Variants in STIMATE observed in about 807,000 individuals in gnomAD.
STIMATE encodes the protein STIM activating enhancer.
A neutral mutation model predicts 36.7 loss-of-function variants in STIMATE; 15 were observed. The observed-to-expected ratio is 0.41, with a 90% confidence interval of 0.27 to 0.63. The LOEUF is 0.63. Ranked by LOEUF, STIMATE falls within the 20% of genes least tolerant of loss-of-function variation. The probability of loss-of-function intolerance (pLI) is 0.32; values close to 1 mark genes in which losing one functional copy is unlikely to be tolerated. For synonymous variants in STIMATE, 163 were observed against 162.3 expected, an observed-to-expected ratio of 1.00 and a Z score of -0.03; for missense variants, 305 against 397.3, an observed-to-expected ratio of 0.77 and a Z score of 1.98.
intron 3 of STIMATE, among the ~76,000 whole-genome samples, chr3:52,852,376 G>A (rs1361742993): frequency 6.6e-6 from 1 of 152,216 alleles, no homozygotes; most frequent in Non-Finnish European, 1.5e-5. Context: ...CAGAAAGCCA[G>A]TGCATGGGGA....
intron 2 of STIMATE, among the ~76,000 whole-genome samples, chr3:52,853,582 C>T (rs1270043929): frequency 6.6e-6 from 1 of 152,142 alleles, no homozygotes; most frequent in Non-Finnish European, 1.5e-5. Flanking sequence ...AAATCATTCC[C>T]TAGACTCACT....
chr3:52,840,348 G>C lies in STIMATE; in HGVS notation c.*146C>G. The C allele has an allele frequency of 1.1e-6, 1 of 932,252 alleles. No homozygotes were observed. The highest frequency in any genetic ancestry group is 1.7e-5 in the South Asian group (1 of 57,466). 57.7% of individuals were successfully genotyped at this position (932,252 alleles called of 1,614,324 possible). ...CCCTCTTTTTAAGTCACAGTAGTCT[G>C]GGGGCAGGCGAGAGCGGGCAGAGAC... On this transcript the variant is annotated 3_prime_UTR_variant, in exon 8 of 8. Coordinates refer to ENST00000355083, the MANE Select transcript of STIMATE (RefSeq NM_198563.5).
intron 1 of STIMATE, among the ~76,000 whole-genome samples, chr3:52,862,939 T>C (rs1037269928): frequency 8.5e-5 from 13 of 152,194 alleles, no homozygotes; most frequent in African/African-American, 3.1e-4. Flanking sequence ...AGAATGGAGT[T>C]ATGCAGCCAC....
intron 7 of STIMATE, among the ~76,000 whole-genome samples, chr3:52,841,945 G>C (rs1001482667): frequency 6.6e-6 from 1 of 152,206 alleles, no homozygotes; most frequent in African/African-American, 2.4e-5. Flanking sequence ...AGATTCTAGA[G>C]ACAAGCACCT....
chr3:52,850,301 G>A (rs1027423490), intron 3 of STIMATE, among the ~76,000 whole-genome samples: 3 of 152,136 alleles, frequency 2.0e-5, no homozygotes, highest in Non-Finnish European at 4.4e-5. Context: ...GCGTGGTGGC[G>A]CGCACCTGTA....
chr3:52,869,355 T>C (rs1701364137), intron 1 of STIMATE, among the ~76,000 whole-genome samples: 1 of 152,240 alleles, frequency 6.6e-6, no homozygotes, highest in Admixed American at 6.5e-5. Flanking sequence ...ATACAGGCTT[T>C]GTAAGTTGGC....
At chr3:52,841,760 C>T (rs1388611352) in intron 7 of STIMATE, 1 of 152,346 alleles carries the variant, frequency 6.6e-6, no homozygotes, top group Non-Finnish European at 1.5e-5. Flanking sequence ...CAGCCTGTGC[C>T]TCACTTCTTG....
rs749659802 is a variant in STIMATE, at chr3:52,844,830, T to C, written c.539A>G (p.Lys180Arg). 6.2e-7 allele frequency: 1 copy of C among 1,610,928 alleles called. No homozygotes were observed. The highest frequency in any genetic ancestry group is 8.5e-7 in the Non-Finnish European group (1 of 1,177,548). The change falls in exon 5 of 8, where the codon AAG becomes AGG. Residue 180 changes from lysine to arginine, a missense_variant and splice_region_variant. Coordinates refer to ENST00000355083, the MANE Select transcript of STIMATE (RefSeq NM_198563.5). ...TGCTCATGCAGGGACGAAGCAAACC[T>C]TTTTCCACTGAAGTATTAGGAGGAC... is the stretch of plus-strand genomic sequence containing the variant. Reference protein sequence around the residue: ...FIVLLILQWKKVALLNPIENP... With the variant: ...FIVLLILQWKRVALLNPIENP...
chr3:52,878,730 G>A (rs1701551111), intron 1 of STIMATE, among the ~76,000 whole-genome samples: 1 of 152,160 alleles, frequency 6.6e-6, no homozygotes, highest in Non-Finnish European at 1.5e-5. Context: ...ACAACCAAGA[G>A]AAGCTGGCTG....
chr3:52,862,192 T>A (rs1701228801), intron 1 of STIMATE, among the ~76,000 whole-genome samples: 1 of 152,186 alleles, frequency 6.6e-6, no homozygotes, highest in Admixed American at 6.5e-5. Context: ...TCCTTCCCAC[T>A]CAGCTGTCAA....
At chr3:52,846,251 C>T (rs978919284) in intron 4 of STIMATE, among the ~76,000 whole-genome samples, 3 of 152,208 alleles carry the variant, frequency 2.0e-5, no homozygotes, top group African/African-American at 7.2e-5. Flanking sequence ...GGATAGGAGA[C>T]ATTTGAGCCA....
intron 2 of STIMATE, 75 bp downstream of exon 2, chr3:52,855,321 A>G (rs1701073552): frequency 3.9e-6 from 6 of 1,557,696 alleles, no homozygotes; most frequent in Non-Finnish European, 5.2e-6. Flanking sequence ...CTCCAACACC[A>G]TACCCCACCC....
intron 4 of STIMATE, among the ~76,000 whole-genome samples, chr3:52,845,324 C>A (rs1007854169): frequency 6.6e-6 from 1 of 152,210 alleles, no homozygotes; most frequent in Non-Finnish European, 1.5e-5. Flanking sequence ...CCAGTGACAG[C>A]GGGGCTGCCC....
chr3:52,868,237 C>A (rs923530443), intron 1 of STIMATE, among the ~76,000 whole-genome samples: 3 of 152,240 alleles, frequency 2.0e-5, no homozygotes, highest in Non-Finnish European at 4.4e-5. Flanking sequence ...CAAATCCATT[C>A]TCTCATTCTT....
At chr3:52,858,038 C>T (rs1389770310) in intron 1 of STIMATE, among the ~76,000 whole-genome samples, 1 of 152,050 alleles carries the variant, frequency 6.6e-6, no homozygotes, top group Non-Finnish European at 1.5e-5. Flanking sequence ...AGAGCGTCAT[C>T]TGCAAGCCAA....
At chr3:52,860,353 C>T (rs1412745164) in intron 1 of STIMATE, among the ~76,000 whole-genome samples, 2 of 151,672 alleles carry the variant, frequency 1.3e-5, no homozygotes, top group Non-Finnish European at 2.9e-5. Flanking sequence ...GGGGTCTGAA[C>T]TGTCAATGAG....
chr3:52,840,424 A>C lies in STIMATE; in HGVS notation c.*70T>G. 6.5e-7 allele frequency: 1 copy of C among 1,529,656 alleles called. No individual in the cohort carries two copies. The highest frequency in any genetic ancestry group is 9.0e-7 in the Non-Finnish European group (1 of 1,115,178). The allele number at this position is 1,529,656 out of a possible 1,614,324, so 94.8% of individuals were successfully genotyped here. A position where few individuals can be genotyped will look rare whatever the true frequency, so the allele number is the denominator to read the frequency against. ...AAGGGCAGAGAGAGGGTAAGGAACG[A>C]TGCTGCGGGATGACCTCTGCACACC... is the stretch of plus-strand genomic sequence containing the variant. On this transcript the variant is annotated 3_prime_UTR_variant, in exon 8 of 8. Coordinates refer to ENST00000355083, the MANE Select transcript of STIMATE (RefSeq NM_198563.5).
intron 1 of STIMATE, among the ~76,000 whole-genome samples, chr3:52,895,159 G>A (rs1316062524): frequency 2.0e-5 from 3 of 152,208 alleles, no homozygotes; most frequent in Admixed American, 6.5e-5. Context: ...TTCCACCTTA[G>A]AGATTTCTTC....
At chr3:52,842,380 C>A (rs1401339080) in intron 7 of STIMATE, among the ~76,000 whole-genome samples, 1 of 152,248 alleles carries the variant, frequency 6.6e-6, no homozygotes, top group Non-Finnish European at 1.5e-5. Flanking sequence ...CTGGCTACCC[C>A]TATATTTTAG....
Sources: gnomAD v4.1 joint callset for allele counts (sites outside exome capture counted in the v4.1 genomes callset) on GRCh38, gnomAD v4.1.1 for gene constraint, MANE v1.5 for transcripts, NCBI Gene and HGNC (gene_info 2026-07-23, HGNC 2026-07-21) for gene names.